Variants in CCDC148 observed in about 807,000 individuals in gnomAD.
The protein encoded by CCDC148 is coiled-coil domain containing 148.
Under a neutral mutation model 85.7 loss-of-function variants are expected in CCDC148, and 89 were observed. The ratio of observed to expected loss-of-function variants is 1.04; its 90% CI spans 0.87 to 1.24. CCDC148 has a LOEUF of 1.24. Among genes scored for constraint, CCDC148 ranks in the 50% most tolerant of loss-of-function variants. CCDC148 has a pLI of 0.00. For synonymous variants in CCDC148, 230 were observed against 213.9 expected (o/e 1.08, Z -0.66); for missense variants, 692 against 671.7 (o/e 1.03, Z -0.33).
chr2:158,246,716 T>C (rs6437152), intron 10 of CCDC148, among the ~76,000 whole-genome samples: 18,089 of 152,082 alleles, frequency 0.12, 2,318 homozygotes, highest in African/African-American at 0.32. Context: ...AGATACAAAA[T>C]AGGGACTAGA....
intron 1 of CCDC148, among the ~76,000 whole-genome samples, chr2:158,434,683 T>A (rs1439916732): frequency 6.6e-6 from 1 of 151,612 alleles, no homozygotes; most frequent in Non-Finnish European, 1.5e-5. Flanking sequence ...TTCTCTGAGC[T>A]AAAGGAGGAT....
chr2:158,398,891 A>G (rs1422421128), intron 1 of CCDC148, among the ~76,000 whole-genome samples: 1 of 152,154 alleles, frequency 6.6e-6, no homozygotes, highest in Non-Finnish European at 1.5e-5. Flanking sequence ...AGACTAATAA[A>G]GAAGAAAAAA....
chr2:158,283,313 A>G (rs1270062151), intron 9 of CCDC148, among the ~76,000 whole-genome samples: 3 of 152,230 alleles, frequency 2.0e-5, no homozygotes, highest in Admixed American at 1.3e-4. Flanking sequence ...TCTGCACAGC[A>G]AAAGAAACTA....
chr2:158,286,659 AAATGG>A (rs1275539776), intron 9 of CCDC148, among the ~76,000 whole-genome samples: 7 of 152,234 alleles, frequency 4.6e-5, no homozygotes, highest in African/African-American at 1.7e-4. Flanking sequence ...TAGACAAATA[AAATGG>A]AATGGAGGGT....
chr2:158,363,520 C>G (rs1158048097), intron 1 of CCDC148, among the ~76,000 whole-genome samples: 1 of 151,966 alleles, frequency 6.6e-6, no homozygotes, highest in Non-Finnish European at 1.5e-5. Context: ...ATACACTAAT[C>G]AATAAACGTA....
At chr2:158,363,204 G>T in intron 1 of CCDC148, among the ~76,000 whole-genome samples, 1 of 152,178 alleles carries the variant, frequency 6.6e-6, no homozygotes, top group Non-Finnish European at 1.5e-5. Context: ...TCCAGGACCA[G>T]ATGGCTTCAC....
intron 1 of CCDC148, among the ~76,000 whole-genome samples, chr2:158,433,161 G>C (rs1020822533): frequency 7.0e-6 from 1 of 142,334 alleles, no homozygotes; most frequent in South Asian, 2.2e-4. Flanking sequence ...TCAGGAGGTA[G>C]AGGCAGGAGG....
At chr2:158,348,612 T>C (rs1007995498) in intron 2 of CCDC148, among the ~76,000 whole-genome samples, 2 of 152,006 alleles carry the variant, frequency 1.3e-5, no homozygotes, top group African/African-American at 4.8e-5. Flanking sequence ...CTCTATTATT[T>C]CAGAAATATA....
chr2:158,321,865 T>C (rs1241611192), intron 7 of CCDC148, among the ~76,000 whole-genome samples: 2 of 152,148 alleles, frequency 1.3e-5, no homozygotes, highest in Non-Finnish European at 2.9e-5. Context: ...ATGAAAACTA[T>C]GCATAGATTT....
intron 11 of CCDC148, among the ~76,000 whole-genome samples, chr2:158,181,385 A>T (rs1236886708): frequency 3.3e-5 from 5 of 152,146 alleles, no homozygotes; most frequent in African/African-American, 1.2e-4. Flanking sequence ...CCTGCCATGC[A>T]TCAAGGGCTG....
At chr2:158,347,395 C>A (rs978447821) in intron 2 of CCDC148, among the ~76,000 whole-genome samples, 1 of 151,798 alleles carries the variant, frequency 6.6e-6, no homozygotes, top group Admixed American at 6.6e-5. Flanking sequence ...GCAGAACATA[C>A]TGATTTTTTT....
intron 1 of CCDC148, among the ~76,000 whole-genome samples, chr2:158,394,487 T>G (rs915344718): frequency 6.6e-6 from 1 of 151,976 alleles, no homozygotes; most frequent in Non-Finnish European, 1.5e-5. Context: ...CAGTAAACAT[T>G]TAGGGCTGTT....
intron 7 of CCDC148, 78 bp from the exon 8 acceptor site, chr2:158,313,972 G>T: frequency 2.2e-6 from 3 of 1,354,678 alleles, no homozygotes; most frequent in Non-Finnish European, 3.0e-6. Context: ...CAAGCTACTA[G>T]CAAGTGATAG....
chr2:158,423,172 T>G (rs1234529400), intron 1 of CCDC148, among the ~76,000 whole-genome samples: 2 of 152,154 alleles, frequency 1.3e-5, no homozygotes, highest in Non-Finnish European at 2.9e-5. Context: ...AATTTATACA[T>G]TCAATGCCAT....
chr2:158,282,934 T>C (rs372487534), intron 9 of CCDC148, among the ~76,000 whole-genome samples: 1 of 152,112 alleles, frequency 6.6e-6, no homozygotes, highest in African/African-American at 2.4e-5. Flanking sequence ...AACAGAGATA[T>C]AGATCAATGG....
intron 1 of CCDC148, chr2:158,447,218 G>A (rs1688195724): frequency 6.6e-6 from 1 of 152,120 alleles, no homozygotes; most frequent in Non-Finnish European, 1.5e-5. Context: ...GTATCGATAT[G>A]TGCAATCCCA....
intron 1 of CCDC148, among the ~76,000 whole-genome samples, chr2:158,415,442 A>G (rs1039993303): frequency 1.3e-5 from 2 of 152,176 alleles, no homozygotes; most frequent in African/African-American, 4.8e-5. Context: ...GGGCAGGGAC[A>G]CAAATCCAAA....
chr2:158,193,327 G>A (rs190943547), intron 11 of CCDC148, among the ~76,000 whole-genome samples: 1 of 152,200 alleles, frequency 6.6e-6, no homozygotes, highest in African/African-American at 2.4e-5. Context: ...TGTGAACAGA[G>A]ACAAACCTTT....
intron 10 of CCDC148, among the ~76,000 whole-genome samples, chr2:158,240,699 G>A (rs1325096367): frequency 6.6e-6 from 1 of 151,992 alleles, no homozygotes; most frequent in Non-Finnish European, 1.5e-5. Flanking sequence ...TCCCTCAACA[G>A]CAGAGCATTC....
Sources: allele counts gnomAD v4.1 joint callset (sites outside exome capture counted in the v4.1 genomes callset), GRCh38; gene constraint gnomAD v4.1.1; transcripts MANE v1.5; gene names NCBI Gene and HGNC (gene_info 2026-07-23, HGNC 2026-07-21).